Variants in CD163L1 observed in about 807,000 individuals in gnomAD.
CD163L1 encodes CD163 molecule like 1.
CD163L1 carries 124 observed loss-of-function variants against 165.4 expected under a neutral mutation model. The observed-to-expected ratio is 0.75, with a 90% confidence interval of 0.65 to 0.87. CD163L1 has a LOEUF of 0.87. CD163L1 is among the 40% of genes least tolerant of loss of function. The pLI, the probability that CD163L1 is intolerant of heterozygous loss-of-function variation, is 0.00. For missense variants in CD163L1, 1,525 were observed against 1,799.9 expected, an observed-to-expected ratio of 0.85 and a Z score of 2.76; for synonymous variants, 585 against 662.2, an observed-to-expected ratio of 0.88 and a Z score of 1.79.
intron 13 of CD163L1, 42 bp from the exon 14 acceptor site, chr12:7,373,682 G>T (rs1217132641): frequency 2.0e-6 from 3 of 1,502,728 alleles, no homozygotes. Context: ...ATTTCCTTTG[G>T]AGTTGGAAAA....
At position 7,432,791 on chromosome 12, in the gene CD163L1, T is replaced by TA. The variant is rs1188246351; in HGVS notation, c.446-56dup. 1.4e-6 allele frequency: 2 copies of TA among 1,455,412 alleles called. No homozygotes were observed. The highest frequency in any genetic ancestry group is 1.9e-6 in the Non-Finnish European group (2 of 1,075,132). The allele number at this position is 1,455,412 out of a possible 1,614,324, so 90.2% of individuals were successfully genotyped here. A position where few individuals can be genotyped will look rare whatever the true frequency, so the allele number is the denominator to read the frequency against. On this transcript the variant is annotated intron_variant, in intron 3 of 19. Coordinates refer to ENST00000313599, the MANE Select transcript of CD163L1 (RefSeq NM_174941.6). This position sits in a 1 kb window ranked among gnomAD's most constrained non-coding sequence, Gnocchi z 4.2. ...AACTGATTCAACTTTGAGCCTGAAA[T>TA]AAAATCAAAAGGATACGTAGAAGAC...
At chr12:7,343,463 A>G (rs1184368580), downstream of CD163L1, among the ~76,000 whole-genome samples, 2 of 152,234 alleles carry the variant, frequency 1.3e-5, no homozygotes, top group African/African-American at 2.4e-5. Flanking sequence ...TACAGGAAGC[A>G]TAGTGCTGGG....
intron 8 of CD163L1, among the ~76,000 whole-genome samples, chr12:7,387,026 AGT>A (rs1186362856): frequency 2.0e-5 from 3 of 152,222 alleles, no homozygotes; most frequent in African/African-American, 7.2e-5. Flanking sequence ...GAAAAGAGAA[AGT>A]CAAATTGTCC....
At chr12:7,421,614 T>TGTAC (rs1388893971) in intron 4 of CD163L1, among the ~76,000 whole-genome samples, 101 of 2,764 alleles carry the variant, frequency 0.037, no homozygotes, top group South Asian at 0.094. Flanking sequence ...CACATATACA[T>TGTAC]ATATGTACAT....
At chr12:7,340,839 C>T in the CD163L1 span, among the ~76,000 whole-genome samples, 7 of 152,208 alleles carry the variant, frequency 4.6e-5, no homozygotes, top group Admixed American at 6.5e-5. Flanking sequence ...CTCTCTTATA[C>T]GTCAACTTCC....
Position 7,373,400 on chromosome 12 carries a change from A to C in CD163L1, c.3650T>G (p.Ile1217Ser), listed in dbSNP as rs763298117. 26 of 1,614,142 alleles carry C rather than the reference A, an allele frequency of 1.6e-5. No individual in the cohort carries two copies. Among genetic ancestry groups the C allele is most frequent in the Middle Eastern group, 3.3e-4 (2 of 6,062 alleles). The change falls in exon 14 of 20, where the codon ATC (isoleucine) becomes AGC (serine). Residue 1217 changes from isoleucine (I) to serine (S), a missense_variant. Transcript: ENST00000313599. Reference sequence around the variant, plus strand: ...GGCAGACAGGCACTGCCATATGGAGATATGCGTTTTAGGACACTGAATGTC... The same window carrying C: ...GGCAGACAGGCACTGCCATATGGAGCTATGCGTTTTAGGACACTGAATGTC... ...VDDIQCPKTHISIWQCLSAPW... is the reference protein window; with the variant it reads ...VDDIQCPKTHSSIWQCLSAPW...
chr12:7,366,185 A>G lies in CD163L1; in HGVS notation c.4279+1051T>C, dbSNP rs187798300. ...ATCCATGTTCTCATTCATATGTGGG[A>G]GCTAAAAATGTTGATACCATTAAGA... On this transcript the variant is annotated intron_variant, in intron 18 of 19. Transcript: ENST00000313599. 6.6e-5 allele frequency among the ~76,000 whole-genome samples: 10 copies of G among 152,284 alleles called. No homozygotes were observed. In the East Asian group the frequency reaches 1.9e-3, roughly 29 times the overall value.
chr12:7,334,927 T>C, the CD163L1 span, among the ~76,000 whole-genome samples: 15 of 152,080 alleles, frequency 9.9e-5, no homozygotes, highest in Middle Eastern at 3.4e-3. Context: ...AGGAATCCAA[T>C]TTACAAGGGA....
the CD163L1 span, among the ~76,000 whole-genome samples, chr12:7,332,952 A>T: frequency 3.3e-5 from 5 of 152,334 alleles, no homozygotes; most frequent in Admixed American, 1.3e-4. Flanking sequence ...TTAAATGTAA[A>T]TGGGCTAAAT....
chr12:7,407,509 G>T (rs758170668), intron 4 of CD163L1, among the ~76,000 whole-genome samples: 10 of 151,726 alleles, frequency 6.6e-5, no homozygotes, highest in Admixed American at 3.3e-4. Context: ...CAAAGTCTCA[G>T]CCTTTCCTTA....
chr12:7,320,003 G>T, the CD163L1 span, among the ~76,000 whole-genome samples: 1 of 152,166 alleles, frequency 6.6e-6, no homozygotes, highest in Non-Finnish European at 1.5e-5. Context: ...CTTACTTACC[G>T]ATCAAACATC....
rs979185584 is a variant in CD163L1, at chr12:7,347,685, C to T, written c.*25-538G>A. ...CGGAGAGGCTGAGGCAGGAGAATGG[C>T]GTGAACCTGGGAGGCGGAGCTTGCA... On this transcript the variant is annotated intron_variant, in intron 4 of 4. Transcript: ENST00000539726. This position sits in a 1 kb window ranked among gnomAD's most constrained non-coding sequence, Gnocchi z 4.2. Among the ~76,000 whole-genome samples the T allele has an allele frequency of 1.3e-5, 2 of 151,804 alleles. No homozygotes were observed. The highest frequency in any genetic ancestry group is 2.4e-5 in the African/African-American group (1 of 41,280).
intron 4 of CD163L1, among the ~76,000 whole-genome samples, chr12:7,408,528 C>T (rs760177451): frequency 1.3e-5 from 2 of 152,116 alleles, no homozygotes; most frequent in Non-Finnish European, 2.9e-5. Flanking sequence ...ATTCTGATAC[C>T]TATATACAGT....
intron 4 of CD163L1, among the ~76,000 whole-genome samples, chr12:7,410,981 G>A (rs1168216718): frequency 6.6e-6 from 1 of 151,056 alleles, no homozygotes; most frequent in Non-Finnish European, 1.5e-5. Flanking sequence ...TGACATCTAA[G>A]CACATAATGG....
At position 7,347,660 on chromosome 12, in the gene CD163L1, C is replaced by T. The variant is rs1028869080; in HGVS notation, c.*25-513G>A. ...GCGGGCGCCTGTAGTCCCAGCTACT[C>T]GGAGAGGCTGAGGCAGGAGAATGGC... is the stretch of plus-strand genomic sequence containing the variant. On this transcript the variant is annotated intron_variant, in intron 4 of 4. Transcript: ENST00000539726. The surrounding 1 kb of genome is among the most constrained non-coding windows in gnomAD (Gnocchi z 4.2). 5.3e-5 allele frequency among the ~76,000 whole-genome samples: 8 copies of T among 151,718 alleles called. No individual in the cohort carries two copies. The East Asian group carries it at 5.8e-4, about 11-fold the overall frequency.
chr12:7,364,455 A>G (rs922711755), intron 18 of CD163L1, among the ~76,000 whole-genome samples: 7 of 152,158 alleles, frequency 4.6e-5, no homozygotes, highest in Admixed American at 4.6e-4. Flanking sequence ...TAGGCAAGAG[A>G]AAGACATATG....
In CD163L1 at chr12:7,368,920, C is replaced by A; in HGVS notation, c.4072+13G>T. ...AGGTATTTGTGTCAGCACTGATAGG[C>A]AGAAGACTATACCTGAGGAGGCATT... On this transcript the variant is annotated intron_variant, in intron 16 of 19. Coordinates refer to ENST00000313599, the MANE Select transcript of CD163L1 (RefSeq NM_174941.6). This position sits in a 1 kb window ranked among gnomAD's most constrained non-coding sequence, Gnocchi z 4.3. 1.9e-6 allele frequency: 3 copies of A among 1,613,244 alleles called. No individual in the cohort carries two copies. Among genetic ancestry groups the A allele is most frequent in the Non-Finnish European group, 2.5e-6 (3 of 1,179,634 alleles).
intron 2 of CD163L1, 124 bp downstream of exon 2, chr12:7,441,030 A>C: frequency 1.4e-6 from 1 of 693,020 alleles, no homozygotes; most frequent in East Asian, 2.5e-5. Flanking sequence ...GGGTATAGCT[A>C]TTGAAGGTCC....
chr12:7,433,009 G>A (rs933014261), intron 3 of CD163L1, among the ~76,000 whole-genome samples: 1 of 151,862 alleles, frequency 6.6e-6, no homozygotes, highest in South Asian at 2.1e-4. Flanking sequence ...GAAAATATTT[G>A]TTCTGTTAGT....
Sources: allele counts gnomAD v4.1 joint callset (sites outside exome capture counted in the v4.1 genomes callset), GRCh38; gene constraint gnomAD v4.1.1; non-coding constraint Gnocchi (gnomAD v3.1); transcripts MANE v1.5; gene names NCBI Gene and HGNC (gene_info 2026-07-23, HGNC 2026-07-21).